The following WWP1 variants were observed in gnomAD, a reference collection of about 807,000 sequenced individuals.
WWP1 encodes the protein NEDD4-like E3 ubiquitin-protein ligase WWP1.
In WWP1, 49 loss-of-function variants were observed where a neutral mutation model predicts 130.6. The ratio of observed to expected loss-of-function variants is 0.38; its 90% CI spans 0.30 to 0.48. WWP1 has a LOEUF of 0.48. Among genes scored for constraint, WWP1 ranks in the 20% least tolerant of loss-of-function variants. The pLI, the probability that WWP1 is intolerant of heterozygous loss-of-function variation, is 0.99. For synonymous variants in WWP1, 332 were observed against 367.8 expected (o/e 0.90, Z 1.11); for missense variants, 809 against 1,100.6 (o/e 0.74, Z 3.75).
intron 20 of WWP1, among the ~76,000 whole-genome samples, chr8:86,451,846 A>G (rs1248021471): frequency 6.6e-6 from 1 of 152,166 alleles, no homozygotes; most frequent in African/African-American, 2.4e-5. Flanking sequence ...TGTCACTGAC[A>G]GATTTTCTTC....
At chr8:86,412,716 GTTT>G (rs537421906) in intron 9 of WWP1, among the ~76,000 whole-genome samples, 1 of 142,266 alleles carries the variant, frequency 7.0e-6, no homozygotes, top group African/African-American at 2.6e-5. Flanking sequence ...TTTTGGAATT[GTTT>G]TTTTTTTTCT....
At chr8:86,454,583 A>G (rs1055169739) in intron 21 of WWP1, among the ~76,000 whole-genome samples, 2 of 152,128 alleles carry the variant, frequency 1.3e-5, no homozygotes, top group Non-Finnish European at 2.9e-5. Flanking sequence ...CTGAAGATGG[A>G]CATCTTGCAT....
At chr8:86,431,359 A>G (rs1331213660) in intron 12 of WWP1, 47 bp from the exon 13 acceptor site, 2 of 974,118 alleles carry the variant, frequency 2.1e-6, no homozygotes, top group African/African-American at 1.7e-5. Context: ...TATTTTATAT[A>G]TAGATCCTAA....
intron 24 of WWP1, among the ~76,000 whole-genome samples, chr8:86,462,323 A>G (rs1389303323): frequency 6.6e-6 from 1 of 152,226 alleles, no homozygotes; most frequent in Non-Finnish European, 1.5e-5. Flanking sequence ...ATGATGTGGG[A>G]GTACGCAGAG....
chr8:86,435,847 CTTTGTTTTGT>C (rs967562300), intron 16 of WWP1, 143 bp downstream of exon 16: 13 of 763,346 alleles, frequency 1.7e-5, no homozygotes, highest in Non-Finnish European at 2.7e-5. Context: ...TGTTGAGTGC[CTTTGTTTTGT>C]TTTGTTTTGT....
intron 18 of WWP1, among the ~76,000 whole-genome samples, chr8:86,445,606 C>T (rs1326590590): frequency 2.0e-5 from 3 of 152,090 alleles, no homozygotes; most frequent in African/African-American, 7.2e-5. Flanking sequence ...GTGAGTAGCG[C>T]TGTGGGGAAC....
intron 5 of WWP1, among the ~76,000 whole-genome samples, chr8:86,382,428 G>T (rs958769146): frequency 2.0e-5 from 3 of 151,968 alleles, no homozygotes; most frequent in Non-Finnish European, 2.9e-5. Context: ...GCTGGGGGTG[G>T]TGGCTCATGC....
chr8:86,401,264 G>A (rs999932890), intron 7 of WWP1, among the ~76,000 whole-genome samples: 3 of 151,864 alleles, frequency 2.0e-5, no homozygotes, highest in African/African-American at 7.3e-5. Context: ...ATTTAATAAA[G>A]TTATAATAGT....
At chr8:86,425,946 C>T (rs1020804796) in intron 10 of WWP1, among the ~76,000 whole-genome samples, 9 of 152,134 alleles carry the variant, frequency 5.9e-5, no homozygotes, top group Non-Finnish European at 8.8e-5. Flanking sequence ...TTTACTCACA[C>T]ATTCTATGTG....
At chr8:86,455,793 C>G (rs906324027) in intron 21 of WWP1, among the ~76,000 whole-genome samples, 1 of 151,862 alleles carries the variant, frequency 6.6e-6, no homozygotes, top group Non-Finnish European at 1.5e-5. Context: ...GAAGGAAATA[C>G]AGAGGCCCTA....
chr8:86,379,626 A>G (rs1457377933), intron 3 of WWP1, among the ~76,000 whole-genome samples: 1 of 152,190 alleles, frequency 6.6e-6, no homozygotes, highest in African/African-American at 2.4e-5. Flanking sequence ...TTCATATCTC[A>G]GGTATATTAG....
chr8:86,410,993 A>G (rs1445011547), intron 8 of WWP1, among the ~76,000 whole-genome samples: 1 of 152,238 alleles, frequency 6.6e-6, no homozygotes, highest in Non-Finnish European at 1.5e-5. Context: ...AATCACACTT[A>G]AAATGAAAAT....
Position 86,381,574 on chromosome 8 carries a change from A to G in WWP1, c.279A>G (p.Leu93=). The part of the protein sequence containing the change: ...WSHRTLKADA[L]LGKATIDLKQ... ...ATCGCACTTTAAAAGCAGATGCTTT[A>G]TTAGGAAAAGCAACGATAGATTTGA... Residue 93 remains leucine (L), a synonymous_variant, in exon 5 of 25, where the codon TTA becomes TTG. Transcript: ENST00000517970. The G allele has an allele frequency of 6.2e-7, 1 of 1,611,034 alleles. No homozygotes were observed. Among genetic ancestry groups the G allele is most frequent in the Non-Finnish European group, 8.5e-7 (1 of 1,179,300 alleles).
At chr8:86,372,831 T>C (rs1486094365) in intron 2 of WWP1, among the ~76,000 whole-genome samples, 1 of 152,144 alleles carries the variant, frequency 6.6e-6, no homozygotes, top group African/African-American at 2.4e-5. Context: ...AAGAAGTAGC[T>C]CTGACTTTGT....
intron 1 of WWP1, among the ~76,000 whole-genome samples, chr8:86,362,090 A>G (rs1438249819): frequency 2.3e-5 from 3 of 129,042 alleles, no homozygotes; most frequent in African/African-American, 9.9e-5. Flanking sequence ...ATACACACAT[A>G]TATATATACA....
intron 11 of WWP1, among the ~76,000 whole-genome samples, chr8:86,429,105 C>T (rs1476167895): frequency 6.6e-6 from 1 of 152,180 alleles, no homozygotes; most frequent in Admixed American, 6.5e-5. Context: ...CACTTCAGGC[C>T]TGTTACTTCG....
chr8:86,457,917 C>T lies in WWP1; in HGVS notation c.2395-4C>T, dbSNP rs188228045. The T allele has an allele frequency of 4.1e-3, 6,658 of 1,611,060 alleles. 16 individuals are homozygous for T. Among genetic ancestry groups the T allele is most frequent in the Non-Finnish European group, 5.3e-3 (6,208 of 1,177,844 alleles). ...TGTGGCCTGATTCTGTGCTCATTTC[C>T]CAGGTTATGTTGTGTGGCATGCAGG... On this transcript the variant is annotated splice_region_variant and splice_polypyrimidine_tract_variant and intron_variant, in intron 21 of 24. Coordinates refer to ENST00000517970, the MANE Select transcript of WWP1 (RefSeq NM_007013.4).
intron 24 of WWP1, among the ~76,000 whole-genome samples, chr8:86,463,507 T>C (rs1348206785): frequency 6.6e-6 from 1 of 151,884 alleles, no homozygotes; most frequent in African/African-American, 2.4e-5. Context: ...GGTTTCACCA[T>C]GTTGGTCAGG....
Position 86,380,835 on chromosome 8 carries a change from T to C in WWP1, c.180T>C (p.Ser60=). Residue 60 remains serine, a synonymous_variant, in exon 4 of 25, where the codon TCT becomes TCC. Coordinates refer to ENST00000517970, the MANE Select transcript of WWP1 (RefSeq NM_007013.4). ...ITKTAKSSSS[S]NPKWDEQLTV... ...AAACAGCAAAATCCAGTAGTTCTTCTAATCCAAAATGGGATGAACAGCTAA... is the reference window on the plus strand; with the variant it reads ...AAACAGCAAAATCCAGTAGTTCTTCCAATCCAAAATGGGATGAACAGCTAA... 6.2e-7 allele frequency: 1 copy of C among 1,612,852 alleles called. No individual in the cohort carries two copies.
Sources: gnomAD v4.1 joint callset for allele counts (sites outside exome capture counted in the v4.1 genomes callset) on GRCh38, gnomAD v4.1.1 for gene constraint, MANE v1.5 for transcripts, NCBI Gene and HGNC (gene_info 2026-07-23, HGNC 2026-07-21) for gene names.